GTF2IRD1: variants seen among roughly 807,000 people sequenced by gnomAD.
GTF2IRD1 encodes GTF2I repeat domain containing 1.
In GTF2IRD1, 26 loss-of-function variants were observed where a neutral mutation model predicts 113.2. The ratio of observed to expected loss-of-function variants is 0.23; its 90% CI spans 0.17 to 0.32. The LOEUF (loss-of-function observed/expected upper bound fraction) is 0.32, where lower values mean the gene tolerates loss of function less well. Among genes scored for constraint, GTF2IRD1 ranks in the 10% least tolerant of loss-of-function variants. The pLI is 1.00. For missense variants in GTF2IRD1, 864 were observed against 1,280.8 expected (o/e 0.67, Z 4.97); for synonymous variants, 484 against 529.1 (o/e 0.91, Z 1.17).
At chr7:74,541,213 G>A (rs1208207214) in intron 14 of GTF2IRD1, among the ~76,000 whole-genome samples, 1 of 152,040 alleles carries the variant, frequency 6.6e-6, no homozygotes, top group Non-Finnish European at 1.5e-5. Context: ...AAAATAGGCA[G>A]GGTGAGGTGG....
At chr7:74,458,759 A>G (rs1793163117) in intron 1 of GTF2IRD1, among the ~76,000 whole-genome samples, 1 of 151,140 alleles carries the variant, frequency 6.6e-6, no homozygotes, top group Non-Finnish European at 1.5e-5. Context: ...GGTTCAAGTG[A>G]TTCTCGTGCC....
intron 17 of GTF2IRD1, among the ~76,000 whole-genome samples, chr7:74,550,843 A>C (rs1341549698): frequency 6.6e-6 from 1 of 151,994 alleles, no homozygotes; most frequent in Non-Finnish European, 1.5e-5. Context: ...AGTCTGGTCA[A>C]CATAGCAACC....
At chr7:74,563,749 G>A (rs1273759629) in intron 22 of GTF2IRD1, among the ~76,000 whole-genome samples, 1 of 152,016 alleles carries the variant, frequency 6.6e-6, no homozygotes, top group Non-Finnish European at 1.5e-5. Flanking sequence ...AGCCAGGCAC[G>A]GTGGCACGCA....
chr7:74,554,584 G>A (rs1254980884), intron 17 of GTF2IRD1, among the ~76,000 whole-genome samples: 1 of 152,072 alleles, frequency 6.6e-6, no homozygotes, highest in Non-Finnish European at 1.5e-5. Context: ...TGTCACCCAG[G>A]CTGGAGTGCA....
intron 14 of GTF2IRD1, among the ~76,000 whole-genome samples, chr7:74,541,917 TAGATAG>T (rs1554351793): frequency 1.3e-4 from 11 of 83,710 alleles, no homozygotes; most frequent in Admixed American, 2.7e-4. Context: ...ACTAAATAGA[TAGATAG>T]ATAGATAGAT....
intron 15 of GTF2IRD1, 62 bp downstream of exon 15, chr7:74,544,864 C>T (rs1250354942): frequency 9.7e-6 from 13 of 1,344,482 alleles, no homozygotes; most frequent in South Asian, 6.1e-5. Flanking sequence ...CTTCCCCTGC[C>T]GCCCACCTCC....
In GTF2IRD1 at chr7:74,542,331, C is replaced by T. The variant is rs188583190; in HGVS notation, c.1618+2363C>T. Among the ~76,000 whole-genome samples the T allele has an allele frequency of 2.7e-3, 414 of 151,278 alleles. 4 individuals are homozygous for T. Among genetic ancestry groups the T allele is most frequent in the African/African-American group, 9.3e-3 (382 of 41,244 alleles). On this transcript the variant is annotated intron_variant, in intron 14 of 26. Coordinates refer to ENST00000424337, the MANE Select transcript of GTF2IRD1 (RefSeq NM_005685.4). ...GGAAAACCGCTTGAACCTTGGGAGG[C>T]GGAGTTTGCAGCCGAGATCACGCCA...
chr7:74,601,329 T>C (rs913197983), intron 26 of GTF2IRD1, 149 bp downstream of exon 26: 11 of 1,537,188 alleles, frequency 7.2e-6, no homozygotes, highest in Non-Finnish European at 9.6e-6. Context: ...GGGTTATAGA[T>C]GCATCCACCT....
At chr7:74,457,353 A>G (rs544266134) in intron 1 of GTF2IRD1, among the ~76,000 whole-genome samples, 3 of 152,178 alleles carry the variant, frequency 2.0e-5, no homozygotes, top group East Asian at 3.9e-4. Context: ...TCTCTCCCCA[A>G]TTGCACTAGG....
intron 4 of GTF2IRD1, among the ~76,000 whole-genome samples, chr7:74,515,901 C>T (rs1403317094): frequency 6.6e-6 from 1 of 152,222 alleles, no homozygotes; most frequent in African/African-American, 2.4e-5. Context: ...CAGCTCTCTA[C>T]ACCTGCCCTG....
intron 22 of GTF2IRD1, among the ~76,000 whole-genome samples, chr7:74,567,926 C>T (rs1800423496): frequency 6.6e-6 from 1 of 152,046 alleles, no homozygotes; most frequent in African/African-American, 2.4e-5. Flanking sequence ...GCTGGGATTA[C>T]AGGCGCGTGC....
chr7:74,518,241 T>TC lies in GTF2IRD1; in HGVS notation c.526dup (p.Arg176ProfsTer7). The TC allele has an allele frequency of 6.2e-7, 1 of 1,611,938 alleles. No homozygotes were observed. Among genetic ancestry groups the TC allele is most frequent in the Non-Finnish European group, 8.5e-7 (1 of 1,179,368 alleles). ...CAGGGGCTGCCCGAAGGCCTGGCCT[T>TC]CCGAAGGCCAGCCGAGTATGACCCC... On this transcript the variant is annotated frameshift_variant, in exon 5 of 27. Transcript: ENST00000424337. LOFTEE classifies it high-confidence loss of function.
In GTF2IRD1 at chr7:74,555,578, G is replaced by T. The variant is rs587736211; in HGVS notation, c.2023+84G>T. The T allele has an allele frequency of 4.5e-6, 4 of 892,568 alleles. No individual in the cohort carries two copies. Among genetic ancestry groups the T allele is most frequent in the South Asian group, 4.2e-5 (3 of 71,124 alleles). The allele number at this position is 892,568 out of a possible 1,614,324, so 55.3% of individuals were successfully genotyped here. Reference sequence around the variant, plus strand: ...GGGTTTGGAGGGCCAGGCTGGAAGTGGGGAGGAGCTGGCCCCCAACTTCAG... The same window carrying T: ...GGGTTTGGAGGGCCAGGCTGGAAGTTGGGAGGAGCTGGCCCCCAACTTCAG... On this transcript the variant is annotated intron_variant, in intron 19 of 26. Transcript: ENST00000424337. The surrounding 1 kb of genome is among the most constrained non-coding windows in gnomAD (Gnocchi z 5.3).
chr7:74,558,228 G>C (rs1379005096), intron 20 of GTF2IRD1, among the ~76,000 whole-genome samples: 2 of 146,400 alleles, frequency 1.4e-5, no homozygotes, highest in Non-Finnish European at 3.0e-5. Flanking sequence ...GCAGTGAGCT[G>C]AGATCGCGCC....
intron 22 of GTF2IRD1, among the ~76,000 whole-genome samples, chr7:74,575,046 C>T (rs895106842): frequency 6.6e-5 from 10 of 152,168 alleles, no homozygotes; most frequent in South Asian, 2.1e-4. Flanking sequence ...GCCGAGATTG[C>T]GCCATTGCGC....
chr7:74,508,780 C>T (rs1033861771), intron 2 of GTF2IRD1, among the ~76,000 whole-genome samples: 1 of 152,038 alleles, frequency 6.6e-6, no homozygotes, highest in Admixed American at 6.6e-5. Flanking sequence ...GCCATTCCCA[C>T]TTTGTCCCTG....
intron 25 of GTF2IRD1, among the ~76,000 whole-genome samples, chr7:74,596,691 C>T (rs1284176541): frequency 4.6e-5 from 7 of 151,994 alleles, no homozygotes; most frequent in East Asian, 3.9e-4. Context: ...TGGTGGCTCA[C>T]GCCTCTAATC....
At chr7:74,565,873 A>G (rs377202564) in intron 22 of GTF2IRD1, among the ~76,000 whole-genome samples, 1 of 151,990 alleles carries the variant, frequency 6.6e-6, no homozygotes, top group East Asian at 1.9e-4. Context: ...AGTCCTAGCT[A>G]CCCAGGAGGC....
At chr7:74,565,287 G>A (rs1800230152) in intron 22 of GTF2IRD1, among the ~76,000 whole-genome samples, 1 of 152,172 alleles carries the variant, frequency 6.6e-6, no homozygotes, top group South Asian at 2.1e-4. Flanking sequence ...CACTTTGGGA[G>A]GCCAAGGTGG....
Sources: allele counts gnomAD v4.1 joint callset (sites outside exome capture counted in the v4.1 genomes callset), GRCh38; gene constraint gnomAD v4.1.1; non-coding constraint Gnocchi (gnomAD v3.1); transcripts MANE v1.5; gene names NCBI Gene and HGNC (gene_info 2026-07-23, HGNC 2026-07-21).